Variants in NSL1 observed in about 807,000 individuals in gnomAD.
NSL1 encodes kinetochore-associated protein NSL1 homolog.
Under a neutral mutation model 25.4 loss-of-function variants are expected in NSL1, and 11 were observed. The ratio of observed to expected loss-of-function variants is 0.43; its 90% confidence interval spans 0.27 to 0.72. The LOEUF (loss-of-function observed/expected upper bound fraction) is 0.72. NSL1 is among the 30% of genes least tolerant of loss of function. The pLI, the probability that NSL1 is intolerant of heterozygous loss-of-function variation, is 0.19. For synonymous variants in NSL1, 118 were observed against 120.6 expected, an observed-to-expected ratio of 0.98 and a Z score of 0.14; for missense variants, 330 against 342.7, an observed-to-expected ratio of 0.96 and a Z score of 0.29.
At chr1:212,749,771 T>C (rs943065928) in intron 4 of NSL1, among the ~76,000 whole-genome samples, 8 of 151,926 alleles carry the variant, frequency 5.3e-5, no homozygotes, top group Admixed American at 3.9e-4. Context: ...CTGTTTTCTA[T>C]CGGTTGCACA....
chr1:212,758,839 AAAG>A (rs1659428271), intron 4 of NSL1, among the ~76,000 whole-genome samples: 3 of 152,242 alleles, frequency 2.0e-5, no homozygotes, highest in Admixed American at 1.3e-4. Context: ...CAACCTTGAA[AAAG>A]AAGAACAAGG....
At chr1:212,781,679 T>G (rs1336468326) in intron 4 of NSL1, among the ~76,000 whole-genome samples, 2 of 152,240 alleles carry the variant, frequency 1.3e-5, no homozygotes, top group African/African-American at 4.8e-5. Context: ...GATTTAACTG[T>G]TTTATCCTAA....
At chr1:212,775,432 G>A (rs1660315312) in intron 4 of NSL1, among the ~76,000 whole-genome samples, 1 of 152,180 alleles carries the variant, frequency 6.6e-6, no homozygotes, top group South Asian at 2.1e-4. Flanking sequence ...CATTTATAAA[G>A]AGTGTCAAAG....
At position 212,733,129 on chromosome 1, in the gene NSL1, G is replaced by A. The variant is rs965375091; in HGVS notation, c.*5279C>T. ...GAATCACCATAATCAAATTTAGAGGGTTTTCATCACCCTCAAAAGACATCC... is the reference window on the plus strand; with the variant it reads ...GAATCACCATAATCAAATTTAGAGGATTTTCATCACCCTCAAAAGACATCC... On this transcript the variant is annotated 3_prime_UTR_variant, in exon 6 of 6. Coordinates refer to ENST00000366977, the MANE Select transcript of NSL1 (RefSeq NM_015471.4). Among the ~76,000 whole-genome samples the A allele has an allele frequency of 6.6e-6, 1 of 152,104 alleles. No individual in the cohort carries two copies. Among genetic ancestry groups the A allele is most frequent in the Non-Finnish European group, 1.5e-5 (1 of 68,028 alleles).
intron 4 of NSL1, among the ~76,000 whole-genome samples, chr1:212,768,347 A>G (rs1302359140): frequency 6.7e-6 from 1 of 148,576 alleles, no homozygotes; most frequent in Non-Finnish European, 1.5e-5. Flanking sequence ...AAAAAAAACT[A>G]AAAGCAGGAC....
In NSL1 at chr1:212,738,312, T is replaced by A; in HGVS notation, c.*96A>T. On this transcript the variant is annotated 3_prime_UTR_variant, in exon 6 of 6. Coordinates refer to ENST00000366977, the MANE Select transcript of NSL1 (RefSeq NM_015471.4). ...ATGAATCACTAGTAAAAGAGTTATTTCTTATTTCAAATGAAGTCTTATCTA... is the reference window on the plus strand; with the variant it reads ...ATGAATCACTAGTAAAAGAGTTATTACTTATTTCAAATGAAGTCTTATCTA... The A allele has an allele frequency of 6.6e-7, 1 of 1,508,152 alleles. No individual in the cohort carries two copies. Among genetic ancestry groups the A allele is most frequent in the Non-Finnish European group, 8.8e-7 (1 of 1,134,280 alleles). The allele number at this position is 1,508,152 out of a possible 1,614,324, so 93.4% of individuals were successfully genotyped here. A position where few individuals can be genotyped will look rare whatever the true frequency, so the allele number is the denominator to read the frequency against.
Position 212,728,378 on chromosome 1 carries a change from A to C in NSL1, c.*10030T>G. On this transcript the variant is annotated 3_prime_UTR_variant, in exon 6 of 6. Coordinates refer to ENST00000366977, the MANE Select transcript of NSL1 (RefSeq NM_015471.4). ...TTTAAACAGTTCTACAATTCACGCT[A>C]TTTATTAATGGCCTTTTACCCAATC... 1.0e-6 allele frequency: 1 copy of C among 985,402 alleles called. No individual in the cohort carries two copies. Among genetic ancestry groups the C allele is most frequent in the Non-Finnish European group, 1.2e-6 (1 of 829,920 alleles). 61.0% of individuals were successfully genotyped at this position (985,402 alleles called of 1,614,324 possible).
chr1:212,765,916 C>A (rs1659784797), intron 4 of NSL1, among the ~76,000 whole-genome samples: 1 of 151,968 alleles, frequency 6.6e-6, no homozygotes, highest in South Asian at 2.1e-4. Flanking sequence ...GTGGGTGGAT[C>A]ACGAGGTCAG....
intron 2 of NSL1, among the ~76,000 whole-genome samples, chr1:212,786,272 C>T (rs1441928470): frequency 1.3e-5 from 2 of 151,940 alleles, no homozygotes. Context: ...TGTGAAAGTA[C>T]CCTTCTTTTG....
At chr1:212,740,480 GT>G (rs35142160) in intron 4 of NSL1, among the ~76,000 whole-genome samples, 60,959 of 150,398 alleles carry the variant, frequency 0.41, 13,872 homozygotes, top group Non-Finnish European at 0.51. Context: ...TCAGAAAAGG[GT>G]TTTTTTTTTG....
chr1:212,731,186 G>GA lies in NSL1; in HGVS notation c.*7221dup, dbSNP rs35088304. 167,219 of 875,098 alleles carry GA rather than the reference G, an allele frequency of 0.19. 3,866 individuals carry two copies. Among genetic ancestry groups the GA allele is most frequent in the East Asian group, 0.32 (2,681 of 8,312 alleles). 54.2% of individuals were successfully genotyped at this position (875,098 alleles called of 1,614,324 possible). A position where few individuals can be genotyped will look rare whatever the true frequency, so the allele number is the denominator to read the frequency against. ...TTGCAAAACAAATGGTCAGAGGGGA[G>GA]AAAAAAAAAAAAACCTGAAGAAACC... On this transcript the variant is annotated 3_prime_UTR_variant, in exon 6 of 6. Transcript: ENST00000366977.
In NSL1 at chr1:212,738,574, T is replaced by A. The variant is rs183484554; in HGVS notation, c.680A>T (p.Lys227Ile). The A allele has an allele frequency of 3.3e-5, 54 of 1,614,186 alleles. No homozygotes were observed. The highest frequency in any genetic ancestry group is 3.3e-4 in the Admixed American group (20 of 60,022). ...HQEVFSSCHR[K>I]PDAKPENFIT... ...AAAGTTCTCAGGTTTAGCATCTGGT[T>A]TCCTATGACAACTGGAAAAGACTTC... The change falls in exon 6 of 6, where the codon AAA (lysine) becomes ATA (isoleucine). Residue 227 changes from lysine (K) to isoleucine (I), a missense_variant. Coordinates refer to ENST00000366977, the MANE Select transcript of NSL1 (RefSeq NM_015471.4).
At chr1:212,741,969 C>T (rs906721620) in intron 4 of NSL1, among the ~76,000 whole-genome samples, 18 of 152,120 alleles carry the variant, frequency 1.2e-4, no homozygotes, top group African/African-American at 4.3e-4. Context: ...CTGCACAGTT[C>T]TAGTACAATG....
Position 212,728,112 on chromosome 1 carries a change from G to C in NSL1, c.*10296C>G, listed in dbSNP as rs959450790. On this transcript the variant is annotated 3_prime_UTR_variant, in exon 6 of 6. Transcript: ENST00000366977. ...CACCTCTTTCTCATGAAATGGGCGT[G>C]GTAATAGCCCTTAATTCATGGATTG... is the stretch of plus-strand genomic sequence containing the variant. 1.0e-6 allele frequency: 1 copy of C among 967,332 alleles called. No homozygotes were observed. The highest frequency in any genetic ancestry group is 1.8e-5 in the African/African-American group (1 of 56,850). 59.9% of individuals were successfully genotyped at this position (967,332 alleles called of 1,614,324 possible).
intron 5 of NSL1, among the ~76,000 whole-genome samples, chr1:212,739,053 GTGC>G (rs1302273337): frequency 6.6e-6 from 1 of 152,142 alleles, no homozygotes; most frequent in Non-Finnish European, 1.5e-5. Context: ...GTAAGCCACT[GTGC>G]CCTTGCTGAT....
rs561352972 is a variant in NSL1, at chr1:212,729,982, G to A, written c.*8426C>T. ...AAGAATGAAATGGGCCGGGCGTGGCGGCTCACTCCTGTAATCACAGCACTT... is the reference window on the plus strand; with the variant it reads ...AAGAATGAAATGGGCCGGGCGTGGCAGCTCACTCCTGTAATCACAGCACTT... On this transcript the variant is annotated 3_prime_UTR_variant, in exon 6 of 6. Coordinates refer to ENST00000366977, the MANE Select transcript of NSL1 (RefSeq NM_015471.4). The A allele has an allele frequency of 3.2e-5, 32 of 984,992 alleles. No homozygotes were observed. In the Middle Eastern group the frequency reaches 1.6e-3, roughly 48 times the overall value. 61.0% of individuals were successfully genotyped at this position (984,992 alleles called of 1,614,324 possible).
intron 4 of NSL1, among the ~76,000 whole-genome samples, chr1:212,779,053 G>A (rs1489511545): frequency 2.7e-5 from 3 of 112,834 alleles, no homozygotes; most frequent in South Asian, 2.9e-4. Flanking sequence ...GCCCGGCCAC[G>A]ACCCCATCTA....
rs1464434021 is a variant in NSL1, at chr1:212,729,413, ATGTG to A, written c.*8991_*8994del. ...AGCACAGTATTTAGATTCATCGAGT[ATGTG>A]TGTAATAAAAGGTGTGGCTACGAAA... On this transcript the variant is annotated 3_prime_UTR_variant, in exon 6 of 6. Coordinates refer to ENST00000366977, the MANE Select transcript of NSL1 (RefSeq NM_015471.4). 1 of 984,144 alleles carries A rather than the reference ATGTG, an allele frequency of 1.0e-6. No individual in the cohort carries two copies. Among genetic ancestry groups the A allele is most frequent in the Non-Finnish European group, 1.2e-6 (1 of 828,864 alleles). The allele number at this position is 984,144 out of a possible 1,614,324, so 61.0% of individuals were successfully genotyped here. A position where few individuals can be genotyped will look rare whatever the true frequency, so the allele number is the denominator to read the frequency against.
chr1:212,738,699 A>T lies in NSL1; in HGVS notation c.568-13T>A. The stretch of plus-strand genomic sequence containing the variant: ...ATGCAGGCAAGGACTTCAAACAAAC[A>T]AACAGTAATATTCAACATTAATCTC... On this transcript the variant is annotated splice_polypyrimidine_tract_variant and intron_variant, in intron 5 of 5. Coordinates refer to ENST00000366977, the MANE Select transcript of NSL1 (RefSeq NM_015471.4). 4 of 1,603,840 alleles carry T rather than the reference A, an allele frequency of 2.5e-6. No homozygotes were observed. Among genetic ancestry groups the T allele is most frequent in the Non-Finnish European group, 3.4e-6 (4 of 1,172,322 alleles).
Sources: allele counts gnomAD v4.1 joint callset (sites outside exome capture counted in the v4.1 genomes callset), GRCh38; gene constraint gnomAD v4.1.1; transcripts MANE v1.5; gene names NCBI Gene and HGNC (gene_info 2026-07-23, HGNC 2026-07-21).